The following TMEM117 variants were observed in gnomAD, a reference collection of about 807,000 sequenced individuals.
TMEM117 encodes the protein transmembrane protein 117.
In TMEM117, 27 loss-of-function variants were observed where a neutral mutation model predicts 52.4. The ratio of observed to expected loss-of-function variants is 0.51; its 90% CI spans 0.38 to 0.71. The LOEUF (loss-of-function observed/expected upper bound fraction) is 0.71. Among genes scored for constraint, TMEM117 ranks in the 30% least tolerant of loss-of-function variants. TMEM117 has a pLI of 0.00. For synonymous variants in TMEM117, 215 were observed against 206.3 expected, an observed-to-expected ratio of 1.04 and a Z score of -0.36; for missense variants, 556 against 630.5, an observed-to-expected ratio of 0.88 and a Z score of 1.26.
At chr12:44,398,777 A>G in the TMEM117 span, among the ~76,000 whole-genome samples, 2 of 152,248 alleles carry the variant, frequency 1.3e-5, no homozygotes, top group Non-Finnish European at 2.9e-5. Flanking sequence ...ATGCCAAAGA[A>G]TAATGCTTTG....
At chr12:44,126,584 T>G (rs1432521459) in intron 3 of TMEM117, among the ~76,000 whole-genome samples, 2 of 152,246 alleles carry the variant, frequency 1.3e-5, no homozygotes, top group Non-Finnish European at 2.9e-5. Context: ...GGTGATTTCA[T>G]ATGATATTAA....
At chr12:44,392,680 C>T (rs1169189011), downstream of TMEM117, among the ~76,000 whole-genome samples, 2 of 144,594 alleles carry the variant, frequency 1.4e-5, no homozygotes, top group South Asian at 2.4e-4. Context: ...CCCCTCCCCC[C>T]ACCCCACGAC....
chr12:44,254,664 ATT>A (rs1434875291), intron 5 of TMEM117, among the ~76,000 whole-genome samples: 4 of 149,340 alleles, frequency 2.7e-5, no homozygotes, highest in African/African-American at 7.4e-5. Context: ...ATATATATAT[ATT>A]TTTTATTATA....
chr12:44,257,905 A>G (rs552759918), intron 5 of TMEM117, among the ~76,000 whole-genome samples: 1 of 152,178 alleles, frequency 6.6e-6, no homozygotes, highest in South Asian at 2.1e-4. Context: ...ATCTTTCTGA[A>G]CTCATTGCTA....
At chr12:44,145,398 G>A (rs960850128) in intron 4 of TMEM117, among the ~76,000 whole-genome samples, 3 of 152,056 alleles carry the variant, frequency 2.0e-5, no homozygotes, top group African/African-American at 7.2e-5. Context: ...ACCACCTATG[G>A]TTCGACCTTC....
chr12:44,161,318 G>C (rs964421906), intron 4 of TMEM117, among the ~76,000 whole-genome samples: 1 of 151,972 alleles, frequency 6.6e-6, no homozygotes. Context: ...CATACAGTTG[G>C]GTTTAAATCT....
intron 2 of TMEM117, among the ~76,000 whole-genome samples, chr12:43,930,202 C>G (rs554273838): frequency 2.6e-5 from 4 of 152,066 alleles, no homozygotes; most frequent in South Asian, 4.2e-4. Flanking sequence ...TTTTTGTTTA[C>G]TCAGCATCAT....
At chr12:43,801,420 T>C in the TMEM117 span, among the ~76,000 whole-genome samples, 6 of 152,184 alleles carry the variant, frequency 3.9e-5, no homozygotes, top group African/African-American at 1.4e-4. Context: ...GGGATGATCT[T>C]TTGAGAAAAT....
intron 3 of TMEM117, among the ~76,000 whole-genome samples, chr12:44,045,499 G>T (rs1946867158): frequency 6.6e-6 from 1 of 152,154 alleles, no homozygotes; most frequent in African/African-American, 2.4e-5. Flanking sequence ...CACCATCATG[G>T]TATTCCACAC....
chr12:44,071,115 A>G (rs934443846), intron 3 of TMEM117, among the ~76,000 whole-genome samples: 1 of 152,258 alleles, frequency 6.6e-6, no homozygotes, highest in Non-Finnish European at 1.5e-5. Flanking sequence ...TTTTATCAAG[A>G]TAACAATGGC....
At chr12:44,069,905 C>T (rs570985332) in intron 3 of TMEM117, among the ~76,000 whole-genome samples, 1 of 152,222 alleles carries the variant, frequency 6.6e-6, no homozygotes, top group Non-Finnish European at 1.5e-5. Flanking sequence ...CTGTTTGAGA[C>T]AGGGGACAGA....
intron 5 of TMEM117, among the ~76,000 whole-genome samples, chr12:44,267,211 CGT>C (rs1255292609): frequency 2.0e-5 from 3 of 151,524 alleles, no homozygotes; most frequent in Non-Finnish European, 4.4e-5. Flanking sequence ...TGTAATTTTC[CGT>C]GTATGGGCCT....
At chr12:43,981,756 CT>C (rs1414533132) in intron 3 of TMEM117, among the ~76,000 whole-genome samples, 6 of 151,912 alleles carry the variant, frequency 3.9e-5, no homozygotes, top group African/African-American at 1.2e-4. Context: ...CAAAAATTAC[CT>C]TTTCAAGAGA....
At chr12:43,890,864 A>G (rs2137477055) in intron 2 of TMEM117, among the ~76,000 whole-genome samples, 1 of 152,286 alleles carries the variant, frequency 6.6e-6, no homozygotes, top group South Asian at 2.1e-4. Flanking sequence ...CTTTTAAAGA[A>G]GACATTGATT....
At chr12:44,205,017 G>C (rs376080440) in intron 4 of TMEM117, among the ~76,000 whole-genome samples, 1 of 152,076 alleles carries the variant, frequency 6.6e-6, no homozygotes, top group South Asian at 2.1e-4. Context: ...CGAAGTTCCC[G>C]TAAGCAATTG....
At chr12:43,935,668 T>C (rs768825326) in intron 2 of TMEM117, among the ~76,000 whole-genome samples, 2 of 152,254 alleles carry the variant, frequency 1.3e-5, no homozygotes, top group African/African-American at 2.4e-5. Context: ...TTAAAAGTCA[T>C]GTAATCCAGC....
At chr12:43,893,917 C>T (rs1368906612) in intron 2 of TMEM117, among the ~76,000 whole-genome samples, 3 of 152,166 alleles carry the variant, frequency 2.0e-5, no homozygotes, top group African/African-American at 7.2e-5. Context: ...AGTTTGGCAC[C>T]TCAGTGCTTC....
chr12:44,111,604 G>T (rs1468374703), intron 3 of TMEM117, among the ~76,000 whole-genome samples: 2 of 102,294 alleles, frequency 2.0e-5, no homozygotes, highest in African/African-American at 1.0e-4. Context: ...TTTTACATTT[G>T]CTGAGGAGAG....
intron 2 of TMEM117, among the ~76,000 whole-genome samples, chr12:43,855,315 T>C (rs1592309454): frequency 6.6e-6 from 1 of 151,800 alleles, no homozygotes; most frequent in Non-Finnish European, 1.5e-5. Context: ...CAGGCTGGAG[T>C]GCAGTGGTGT....
Sources: gnomAD v4.1 joint callset for allele counts (sites outside exome capture counted in the v4.1 genomes callset) on GRCh38, gnomAD v4.1.1 for gene constraint, MANE v1.5 for transcripts, NCBI Gene and HGNC (gene_info 2026-07-23, HGNC 2026-07-21) for gene names.